The following GORASP2 variants were observed in gnomAD, a reference collection of about 807,000 sequenced individuals.
GORASP2 encodes the protein Golgi reassembly-stacking protein 2.
In GORASP2, 22 loss-of-function variants were observed where a neutral mutation model predicts 45.7. That is an observed-to-expected ratio of 0.48 (90% CI 0.34 to 0.69). The LOEUF is 0.69. Ranked by LOEUF, GORASP2 falls within the 30% of genes least tolerant of loss-of-function variation. The pLI is 0.01. For synonymous variants in GORASP2, 221 were observed against 215.6 expected (o/e 1.02, Z -0.22); for missense variants, 491 against 562.7 (o/e 0.87, Z 1.29).
chr2:170,948,054 G>T (rs1704217858), intron 1 of GORASP2, among the ~76,000 whole-genome samples: 1 of 152,174 alleles, frequency 6.6e-6, no homozygotes, highest in Non-Finnish European at 1.5e-5. Context: ...AATCAGGGAG[G>T]CAGAGGTTGC....
intron 1 of GORASP2, among the ~76,000 whole-genome samples, chr2:170,931,003 A>G (rs1227053844): frequency 6.6e-6 from 1 of 150,500 alleles, no homozygotes; most frequent in Non-Finnish European, 1.5e-5. Context: ...CGCGTGTTTG[A>G]AAGAAAGCCA....
At position 170,965,957 on chromosome 2, in the gene GORASP2, G is replaced by A. The variant is rs775189495; in HGVS notation, c.1186G>A (p.Asp396Asn). Residue 396 changes from aspartate to asparagine, a missense_variant, in exon 10 of 10, where the codon GAC becomes AAC. Coordinates refer to ENST00000234160, the MANE Select transcript of GORASP2 (RefSeq NM_015530.5). ...SLPPTSNAPS[D>N]PATTTAKADA... Reference sequence around the variant, plus strand: ...CCCGCCCACCAGCAACGCACCCTCCGACCCTGCCACAACTACTGCAAAGGC... The same window carrying A: ...CCCGCCCACCAGCAACGCACCCTCCAACCCTGCCACAACTACTGCAAAGGC... 6.2e-7 allele frequency: 1 copy of A among 1,613,872 alleles called. No homozygotes were observed. The highest frequency in any genetic ancestry group is 1.3e-5 in the African/African-American group (1 of 74,952).
chr2:170,954,573 G>GT, intron 5 of GORASP2, 77 bp from the exon 6 acceptor site: 1 of 1,016,110 alleles, frequency 9.8e-7, no homozygotes, highest in Middle Eastern at 2.2e-4. Flanking sequence ...TGGGTTACCC[G>GT]CCCCCCCCAA....
At chr2:170,961,462 T>G (rs954884225) in intron 7 of GORASP2, among the ~76,000 whole-genome samples, 1 of 152,202 alleles carries the variant, frequency 6.6e-6, no homozygotes, top group Non-Finnish European at 1.5e-5. Flanking sequence ...CAGGCTCTGG[T>G]AACAGCCTTT....
At chr2:170,964,675 G>A (rs1704646316) in intron 9 of GORASP2, among the ~76,000 whole-genome samples, 1 of 151,782 alleles carries the variant, frequency 6.6e-6, no homozygotes, top group Non-Finnish European at 1.5e-5. Flanking sequence ...AAATAAAAAT[G>A]AAGTACTAGT....
intron 1 of GORASP2, chr2:170,929,652 C>A: frequency 1.6e-6 from 1 of 610,902 alleles, no homozygotes; most frequent in Admixed American, 2.5e-5. Context: ...CTGCCGGCGA[C>A]TCGGCCAGGG....
intron 6 of GORASP2, among the ~76,000 whole-genome samples, chr2:170,956,222 A>G (rs1466494073): frequency 6.6e-6 from 1 of 152,226 alleles, no homozygotes; most frequent in African/African-American, 2.4e-5. Flanking sequence ...TCTCAAGACT[A>G]GAAGTGACAG....
chr2:170,928,812 A>G (rs1423677039), upstream of GORASP2: 1 of 152,446 alleles, frequency 6.6e-6, no homozygotes, highest in Non-Finnish European at 1.5e-5. Context: ...ACAGGAGGCC[A>G]CTATTCCCCT....
chr2:170,935,755 C>T (rs539096363), intron 1 of GORASP2, among the ~76,000 whole-genome samples: 8 of 151,728 alleles, frequency 5.3e-5, no homozygotes, highest in East Asian at 1.9e-4. Flanking sequence ...TTTGTATTTT[C>T]GGTAGAGATG....
At chr2:170,939,115 G>A (rs1437511637) in intron 1 of GORASP2, among the ~76,000 whole-genome samples, 1 of 152,214 alleles carries the variant, frequency 6.6e-6, no homozygotes, top group African/African-American at 2.4e-5. Flanking sequence ...TTCAGAAGTT[G>A]TCAGAGTTTT....
At chr2:170,961,865 C>G (rs778856953) in intron 8 of GORASP2, 116 bp downstream of exon 8, 3 of 729,136 alleles carry the variant, frequency 4.1e-6, no homozygotes, top group Non-Finnish European at 7.6e-6. Context: ...CTTTTAATCT[C>G]AGTTTATCTC....
At chr2:170,944,342 T>G (rs1704139081) in intron 1 of GORASP2, among the ~76,000 whole-genome samples, 1 of 152,196 alleles carries the variant, frequency 6.6e-6, no homozygotes, top group Non-Finnish European at 1.5e-5. Context: ...TAGGGCACTC[T>G]CTGCTGACTT....
Position 170,941,149 on chromosome 2 carries a change from A to C in GORASP2, c.64-7201A>C, listed in dbSNP as rs546156448. 3.3e-5 allele frequency among the ~76,000 whole-genome samples: 5 copies of C among 152,238 alleles called. No homozygotes were observed. In the East Asian group the frequency reaches 9.6e-4, roughly 29 times the overall value. ...AGAAGCATTTCTTTCACGCTGCTGT[A>C]GTTTTTATTTTGTAAGCTAACCTCA... On this transcript the variant is annotated intron_variant, in intron 1 of 9. Coordinates refer to ENST00000234160, the MANE Select transcript of GORASP2 (RefSeq NM_015530.5).
chr2:170,934,440 A>G (rs1187765179), intron 1 of GORASP2, among the ~76,000 whole-genome samples: 4 of 151,744 alleles, frequency 2.6e-5, no homozygotes, highest in Admixed American at 2.6e-4. Flanking sequence ...TTGTATTTTT[A>G]GTAGAGGTGG....
intron 1 of GORASP2, among the ~76,000 whole-genome samples, chr2:170,933,389 A>T (rs565822412): frequency 6.6e-6 from 1 of 152,326 alleles, no homozygotes; most frequent in Non-Finnish European, 1.5e-5. Flanking sequence ...TTTTCCATTA[A>T]TTATCCAGTG....
At chr2:170,963,165 G>C (rs1704604451) in intron 9 of GORASP2, among the ~76,000 whole-genome samples, 1 of 152,016 alleles carries the variant, frequency 6.6e-6, no homozygotes, top group African/African-American at 2.4e-5. Context: ...CTGAGGTTAG[G>C]AGTTCAAGAC....
chr2:170,962,730 T>G, intron 8 of GORASP2, 109 bp from the exon 9 acceptor site: 1 of 720,744 alleles, frequency 1.4e-6, no homozygotes, highest in Non-Finnish European at 2.5e-6. Context: ...TTAGGTGGAC[T>G]TCTGGTACTG....
In GORASP2 at chr2:170,956,505, A is replaced by C; in HGVS notation, c.769A>C (p.Thr257Pro). ...PGTTGIEQSL[T>P]GLSISSTPPA... ...AACTACAGGAATTGAACAGAGTCTG[A>C]CTGGACTTTCTATTAGCTCAACTCC... The change falls in exon 7 of 10, where the codon ACT (threonine) becomes CCT (proline). Residue 257 changes from threonine (T) to proline (P), a missense_variant. Physicochemically the swap from Thr to Pro is conservative, Grantham distance 38. Transcript: ENST00000234160. 3 of 1,613,340 alleles carry C rather than the reference A, an allele frequency of 1.9e-6. No individual in the cohort carries two copies. The South Asian group carries it at 3.3e-5, about 18-fold the overall frequency.
chr2:170,951,493 T>G, intron 5 of GORASP2, 35 bp downstream of exon 5: 1 of 1,503,184 alleles, frequency 6.7e-7, no homozygotes, highest in Admixed American at 2.0e-5. Context: ...TATGACTGCT[T>G]AAACATACCA....
Sources: gnomAD v4.1 joint callset for allele counts (sites outside exome capture counted in the v4.1 genomes callset) on GRCh38, gnomAD v4.1.1 for gene constraint, MANE v1.5 for transcripts, NCBI Gene and HGNC (gene_info 2026-07-23, HGNC 2026-07-21) for gene names.